Variants in ARHGAP28 observed in about 807,000 individuals in gnomAD.
The protein encoded by ARHGAP28 is rho GTPase-activating protein 28.
ARHGAP28 carries 56 observed loss-of-function variants against 90.7 expected under a neutral mutation model. That is an observed-to-expected ratio of 0.62 (90% confidence interval 0.50 to 0.77). ARHGAP28 has a LOEUF of 0.77. Among genes scored for constraint, ARHGAP28 ranks in the 30% least tolerant of loss-of-function variants. ARHGAP28 has a pLI of 0.00. For missense variants in ARHGAP28, 869 were observed against 900.9 expected (o/e 0.96, Z 0.45); for synonymous variants, 308 against 323.3 (o/e 0.95, Z 0.51).
chr18:6,854,615 C>T (rs746420743), intron 4 of ARHGAP28, among the ~76,000 whole-genome samples: 12 of 152,116 alleles, frequency 7.9e-5, no homozygotes, highest in South Asian at 4.1e-4. Flanking sequence ...TCTGTGAAGA[C>T]GCCGGCTACA....
chr18:6,798,131 A>G (rs1432416211), intron 1 of ARHGAP28, among the ~76,000 whole-genome samples: 1 of 152,248 alleles, frequency 6.6e-6, no homozygotes, highest in Non-Finnish European at 1.5e-5. Flanking sequence ...TTGGAGATTC[A>G]TATGCAAAAA....
chr18:6,847,186 G>A (rs1053359993), intron 3 of ARHGAP28, among the ~76,000 whole-genome samples: 12 of 152,086 alleles, frequency 7.9e-5, no homozygotes, highest in South Asian at 6.2e-4. Flanking sequence ...ACGGCAGGGA[G>A]AACCTGCTAT....
chr18:6,865,956 T>C (rs2057035242), intron 5 of ARHGAP28, among the ~76,000 whole-genome samples: 1 of 152,110 alleles, frequency 6.6e-6, no homozygotes, highest in Non-Finnish European at 1.5e-5. Context: ...CTGGGGAAGG[T>C]TGCTTTAAAT....
intron 6 of ARHGAP28, 140 bp from the exon 7 acceptor site, chr18:6,870,450 T>C: frequency 1.3e-6 from 1 of 798,154 alleles, no homozygotes; most frequent in East Asian, 2.8e-5. Flanking sequence ...TCGGGGTGAG[T>C]CTGCTGCTTT....
At chr18:6,780,338 TA>T (rs1416261926) in intron 1 of ARHGAP28, among the ~76,000 whole-genome samples, 1 of 152,146 alleles carries the variant, frequency 6.6e-6, no homozygotes, top group African/African-American at 2.4e-5. Flanking sequence ...CAATTAAAAA[TA>T]CAAATTAAAA....
At chr18:6,824,653 C>A in intron 1 of ARHGAP28, 109 bp from the exon 2 acceptor site, 1 of 1,002,686 alleles carries the variant, frequency 1.0e-6, no homozygotes, top group Non-Finnish European at 1.4e-6. Context: ...TACTCCACTT[C>A]TCCATTTGAT....
chr18:6,887,569 T>C (rs2057232886), intron 12 of ARHGAP28, among the ~76,000 whole-genome samples: 1 of 152,052 alleles, frequency 6.6e-6, no homozygotes, highest in Non-Finnish European at 1.5e-5. Context: ...TAGCTGGGAC[T>C]ACAGGTATGT....
rs118172716 is a variant in ARHGAP28, at chr18:6,797,704, C to T, written c.123-27058C>T. The stretch of plus-strand genomic sequence containing the variant: ...TAAGTCGCAGTCTCACTCTGTCACC[C>T]AGGCTGGAGTGCAACAACGCGATCT... On this transcript the variant is annotated intron_variant, in intron 1 of 17. Transcript: ENST00000383472. Among the ~76,000 whole-genome samples the T allele has an allele frequency of 8.2e-3, 1,251 of 152,122 alleles. 9 individuals are homozygous for T. Among genetic ancestry groups the T allele is most frequent in the Admixed American group, 0.014 (217 of 15,278 alleles).
chr18:6,811,007 G>A (rs2056552183), intron 1 of ARHGAP28, among the ~76,000 whole-genome samples: 1 of 152,030 alleles, frequency 6.6e-6, no homozygotes, highest in Admixed American at 6.6e-5. Context: ...TGTGATTAGG[G>A]CCCAAACATC....
intron 1 of ARHGAP28, among the ~76,000 whole-genome samples, chr18:6,742,555 G>C (rs576146109): frequency 6.6e-6 from 1 of 152,282 alleles, no homozygotes; most frequent in Non-Finnish European, 1.5e-5. Context: ...GAGACAATGA[G>C]TTTGACATGT....
intron 13 of ARHGAP28, 40 bp downstream of exon 13, chr18:6,890,125 A>C: frequency 1.2e-6 from 2 of 1,607,060 alleles, no homozygotes; most frequent in Non-Finnish European, 1.7e-6. Flanking sequence ...TCAGAAGTCC[A>C]TGTCCCCAGG....
intron 3 of ARHGAP28, among the ~76,000 whole-genome samples, chr18:6,849,226 C>T (rs2056890019): frequency 6.8e-6 from 1 of 147,574 alleles, no homozygotes; most frequent in Non-Finnish European, 1.5e-5. Context: ...CTGTTAAACT[C>T]CAGACTGGGT....
At chr18:6,777,054 T>C (rs1408919352) in intron 1 of ARHGAP28, among the ~76,000 whole-genome samples, 1 of 152,164 alleles carries the variant, frequency 6.6e-6, no homozygotes, top group Non-Finnish European at 1.5e-5. Flanking sequence ...GAATGACATA[T>C]AAAATTTTTG....
At chr18:6,857,304 C>T (rs761432093) in intron 4 of ARHGAP28, among the ~76,000 whole-genome samples, 6 of 152,132 alleles carry the variant, frequency 3.9e-5, no homozygotes, top group Admixed American at 6.5e-5. Context: ...ATGTTGTCAA[C>T]GAAAGCTGGG....
intron 4 of ARHGAP28, 73 bp downstream of exon 4, chr18:6,851,199 T>G (rs2056908392): frequency 2.3e-6 from 3 of 1,316,196 alleles, no homozygotes; most frequent in Non-Finnish European, 3.3e-6. Flanking sequence ...GAGCAAAACT[T>G]GAAAAAAGTG....
chr18:6,894,920 A>G (rs1164788315), intron 15 of ARHGAP28, 29 bp downstream of exon 15: 7 of 1,598,150 alleles, frequency 4.4e-6, no homozygotes, highest in Non-Finnish European at 5.1e-6. Flanking sequence ...TTTCCCTTCC[A>G]TTAACTCCCT....
rs541336679 is a variant in ARHGAP28 at position 6,837,090 on chromosome 18, GA to G, written c.326-99del. On this transcript the variant is annotated intron_variant, in intron 2 of 17. Coordinates refer to ENST00000383472, the MANE Select transcript of ARHGAP28 (RefSeq NM_001366230.1). ...GTAGTTCTTTCCCATAATTACTGTA[GA>G]AAAAAAATACAAATATTATTTACCA... 7,743 of 835,778 alleles carry G rather than the reference GA, an allele frequency of 9.3e-3. 176 individuals are homozygous for G. Among genetic ancestry groups the G allele is most frequent in the African/African-American group, 0.073 (4,231 of 58,114 alleles). The allele number at this position is 835,778 out of a possible 1,614,324, so 51.8% of individuals were successfully genotyped here.
At chr18:6,851,163 A>C (rs749071836) in intron 4 of ARHGAP28, 37 bp downstream of exon 4, 1 of 1,580,666 alleles carries the variant, frequency 6.3e-7, no homozygotes, top group Non-Finnish European at 8.7e-7. Flanking sequence ...GGTAGGCATG[A>C]AATAAGCCAT....
intron 2 of ARHGAP28, among the ~76,000 whole-genome samples, chr18:6,828,909 A>G (rs1057370938): frequency 2.6e-5 from 4 of 152,218 alleles, no homozygotes; most frequent in African/African-American, 7.2e-5. Context: ...GAGTGTTTCC[A>G]TTAGCCAGTG....
Sources: gnomAD v4.1 joint callset for allele counts (sites outside exome capture counted in the v4.1 genomes callset) on GRCh38, gnomAD v4.1.1 for gene constraint, MANE v1.5 for transcripts, NCBI Gene and HGNC (gene_info 2026-07-23, HGNC 2026-07-21) for gene names.